CSMD1: variants seen among roughly 807,000 people sequenced by gnomAD.
CSMD1 encodes the protein CUB and sushi domain-containing protein 1.
In CSMD1, 213 loss-of-function variants were observed where a neutral mutation model predicts 417.5. That is an observed-to-expected ratio of 0.51 (90% CI 0.46 to 0.57). CSMD1 has a LOEUF of 0.57. CSMD1 is among the 20% of genes least tolerant of loss of function. CSMD1 has a pLI of 0.00. For missense variants in CSMD1, 6,923 were observed against 4,529.7 expected (o/e 1.53, Z -15.17); for synonymous variants, 2,862 against 1,736.8 (o/e 1.65, Z -16.11).
chr8:4,674,789 C>T (rs143267227), intron 1 of CSMD1, among the ~76,000 whole-genome samples: 52 of 152,254 alleles, frequency 3.4e-4, no homozygotes, highest in African/African-American at 1.2e-3. Context: ...ATCGTGTCCC[C>T]CTCCAAAATT....
intron 18 of CSMD1, among the ~76,000 whole-genome samples, chr8:3,374,551 T>C (rs1810188509): frequency 6.6e-6 from 1 of 152,318 alleles, no homozygotes; most frequent in East Asian, 1.9e-4. Flanking sequence ...GTCTAGATGA[T>C]TAGACTATGA....
chr8:3,629,475 G>C (rs1355334163), intron 7 of CSMD1, among the ~76,000 whole-genome samples: 1 of 152,060 alleles, frequency 6.6e-6, no homozygotes, highest in African/African-American at 2.4e-5. Context: ...TAATGACATG[G>C]AATACACAAT....
chr8:4,225,036 C>G (rs754427494), intron 3 of CSMD1, among the ~76,000 whole-genome samples: 3 of 152,174 alleles, frequency 2.0e-5, no homozygotes, highest in South Asian at 2.1e-4. Flanking sequence ...CGCTTGAACC[C>G]TAGAGGCAGA....
chr8:4,029,417 C>T (rs901124037), intron 4 of CSMD1, among the ~76,000 whole-genome samples: 1 of 152,166 alleles, frequency 6.6e-6, no homozygotes, highest in African/African-American at 2.4e-5. Flanking sequence ...CAAGGAGGAC[C>T]TAGCCACGTC....
At chr8:3,276,702 A>G (rs1251308444) in intron 26 of CSMD1, among the ~76,000 whole-genome samples, 1 of 152,170 alleles carries the variant, frequency 6.6e-6, no homozygotes, top group Non-Finnish European at 1.5e-5. Flanking sequence ...TACTATGAAA[A>G]TTTTGAATTA....
chr8:3,879,406 A>G (rs1412626096), intron 5 of CSMD1, among the ~76,000 whole-genome samples: 2 of 152,158 alleles, frequency 1.3e-5, no homozygotes, highest in Non-Finnish European at 2.9e-5. Context: ...GCACAAGCCA[A>G]TTAATCTGGA....
chr8:3,043,292 CAGTACTAGGTCACTATGGTGATATATA>C (rs1474034968), intron 50 of CSMD1, among the ~76,000 whole-genome samples: 1 of 150,390 alleles, frequency 6.6e-6, no homozygotes, highest in Admixed American at 6.6e-5. Context: ...TGTAAACCTA[CAGTACTAGGTCACTATGGTGATATATA>C]TAGTATATAA....
At chr8:4,361,780 C>G (rs1051793797) in intron 3 of CSMD1, among the ~76,000 whole-genome samples, 15 of 152,006 alleles carry the variant, frequency 9.9e-5, no homozygotes, top group African/African-American at 2.4e-4. Context: ...ACGGTGAAAC[C>G]CCATCTCTAC....
chr8:4,184,810 G>C (rs139273655), intron 3 of CSMD1, among the ~76,000 whole-genome samples: 1 of 151,938 alleles, frequency 6.6e-6, no homozygotes, highest in Non-Finnish European at 1.5e-5. Flanking sequence ...TACTTATATA[G>C]GAAACATGCA....
At chr8:4,678,784 G>C (rs888961760) in intron 1 of CSMD1, among the ~76,000 whole-genome samples, 1 of 152,142 alleles carries the variant, frequency 6.6e-6, no homozygotes, top group Non-Finnish European at 1.5e-5. Flanking sequence ...TCTTACCTTT[G>C]AGCAAGTTAC....
At chr8:4,863,954 TCAAGA>T (rs1321592229) in intron 1 of CSMD1, among the ~76,000 whole-genome samples, 1 of 151,580 alleles carries the variant, frequency 6.6e-6, no homozygotes, top group East Asian at 1.9e-4. Context: ...AAAATAAATG[TCAAGA>T]CATGATTGAA....
intron 20 of CSMD1, among the ~76,000 whole-genome samples, chr8:3,360,146 G>T (rs1303243223): frequency 1.3e-5 from 2 of 152,150 alleles, no homozygotes; most frequent in African/African-American, 4.8e-5. Flanking sequence ...ATTTTCCTCT[G>T]TTTATTTTCA....
chr8:3,307,865 C>G, intron 24 of CSMD1, 44 bp from the exon 25 acceptor site: 3 of 1,590,538 alleles, frequency 1.9e-6, no homozygotes, highest in Non-Finnish European at 2.6e-6. Flanking sequence ...CTTCAGGCAT[C>G]ACATGTTTCT....
chr8:3,417,767 G>C (rs967303417), intron 12 of CSMD1, among the ~76,000 whole-genome samples: 1 of 152,028 alleles, frequency 6.6e-6, no homozygotes, highest in African/African-American at 2.4e-5. Context: ...TAAACTAATT[G>C]ATATATTTTC....
chr8:3,460,166 C>G (rs1248704817), intron 12 of CSMD1, among the ~76,000 whole-genome samples: 2 of 152,068 alleles, frequency 1.3e-5, no homozygotes, highest in African/African-American at 4.8e-5. Flanking sequence ...ATCACATAAT[C>G]TAGGATGTGA....
rs549534100 is a variant in CSMD1 at position 4,559,821 on chromosome 8, G to A, written c.302+77521C>T. On this transcript the variant is annotated intron_variant, in intron 2 of 69. Transcript: ENST00000635120. ...ACACACGTCATCTCATGTTCACTTC[G>A]TGAAATTCTATTCATCTTACCTTTC... Among the ~76,000 whole-genome samples, 8 of 152,288 alleles carry A rather than the reference G, an allele frequency of 5.3e-5. 1 individual carries two copies. The South Asian group carries it at 1.7e-3, about 32-fold the overall frequency.
chr8:4,436,723 G>C (rs749181021), intron 2 of CSMD1, among the ~76,000 whole-genome samples: 2 of 151,978 alleles, frequency 1.3e-5, no homozygotes, highest in African/African-American at 4.8e-5. Flanking sequence ...ATGTCCATGA[G>C]TTTAATTGTT....
intron 1 of CSMD1, among the ~76,000 whole-genome samples, chr8:4,749,031 A>G (rs1811138674): frequency 6.6e-6 from 1 of 150,752 alleles, no homozygotes; most frequent in African/African-American, 2.5e-5. Flanking sequence ...TTCTGACCCA[A>G]AACTGTGTGT....
At chr8:3,955,009 A>C (rs1350102268) in intron 5 of CSMD1, among the ~76,000 whole-genome samples, 1 of 152,190 alleles carries the variant, frequency 6.6e-6, no homozygotes, top group Non-Finnish European at 1.5e-5. Context: ...CCATCAGGAA[A>C]TGGCCTCTCC....
Sources: allele counts gnomAD v4.1 joint callset (sites outside exome capture counted in the v4.1 genomes callset), GRCh38; gene constraint gnomAD v4.1.1; transcripts MANE v1.5; gene names NCBI Gene and HGNC (gene_info 2026-07-23, HGNC 2026-07-21).